PTPRG: variants seen among roughly 807,000 people sequenced by gnomAD.
PTPRG encodes protein tyrosine phosphatase receptor type G.
PTPRG carries 102 observed loss-of-function variants against 165.3 expected under a neutral mutation model. That is an observed-to-expected ratio of 0.62 (90% CI 0.53 to 0.73). PTPRG has a LOEUF of 0.73. PTPRG is among the 30% of genes least tolerant of loss of function. The pLI is 0.00. For synonymous variants in PTPRG, 675 were observed against 669.5 expected, an observed-to-expected ratio of 1.01 and a Z score of -0.13; for missense variants, 1,866 against 1,861.4, an observed-to-expected ratio of 1.00 and a Z score of -0.05.
At chr3:62,288,279 G>T (rs192267395) in intron 28 of PTPRG, among the ~76,000 whole-genome samples, 4 of 152,020 alleles carry the variant, frequency 2.6e-5, no homozygotes, top group African/African-American at 9.6e-5. Context: ...GCAAATAGAA[G>T]GCGATAGTAA....
intron 4 of PTPRG, among the ~76,000 whole-genome samples, chr3:62,061,331 G>A (rs755898630): frequency 5.3e-5 from 8 of 152,110 alleles, no homozygotes; most frequent in African/African-American, 7.2e-5. Flanking sequence ...TTAAGGTATC[G>A]TATCTCTGGA....
chr3:61,765,754 T>C (rs1443160166), intron 2 of PTPRG, among the ~76,000 whole-genome samples: 2 of 152,252 alleles, frequency 1.3e-5, no homozygotes, highest in Non-Finnish European at 2.9e-5. Context: ...GCCACAGATA[T>C]CTTCCAGAAT....
At chr3:62,291,810 T>G (rs981829575) in intron 28 of PTPRG, among the ~76,000 whole-genome samples, 7 of 152,182 alleles carry the variant, frequency 4.6e-5, no homozygotes, top group Admixed American at 3.9e-4. Context: ...GGAAATTTAC[T>G]ACCTTTCTAA....
intron 12 of PTPRG, among the ~76,000 whole-genome samples, chr3:62,204,654 A>T (rs975512033): frequency 4.6e-5 from 7 of 152,248 alleles, no homozygotes; most frequent in African/African-American, 1.7e-4. Context: ...TTGTTCATGG[A>T]AACCTACAGA....
intron 2 of PTPRG, among the ~76,000 whole-genome samples, chr3:61,956,107 T>TATATATATATATATATATATA (rs2040021571): frequency 6.6e-6 from 1 of 151,730 alleles, no homozygotes; most frequent in African/African-American, 2.4e-5. Flanking sequence ...TATATATATA[T>TATATATATATATATATATATA]GAAAAATTGA....
intron 1 of PTPRG, among the ~76,000 whole-genome samples, chr3:61,724,600 C>T (rs922486035): frequency 6.6e-5 from 10 of 152,052 alleles, no homozygotes; most frequent in African/African-American, 2.2e-4. Context: ...TCTACACTCC[C>T]ACCAGCAATG....
chr3:61,583,904 G>T (rs947037011), intron 1 of PTPRG, among the ~76,000 whole-genome samples: 18 of 152,112 alleles, frequency 1.2e-4, no homozygotes, highest in Admixed American at 1.2e-3. Context: ...GTTGATTTGG[G>T]TCATTTTCAA....
intron 1 of PTPRG, among the ~76,000 whole-genome samples, chr3:61,672,669 G>A (rs1223269572): frequency 6.0e-5 from 9 of 151,074 alleles, no homozygotes; most frequent in Admixed American, 2.6e-4. Flanking sequence ...GATGGCAGCA[G>A]TACCGTCCAG....
chr3:61,941,140 C>G (rs927493623), intron 2 of PTPRG, among the ~76,000 whole-genome samples: 1 of 151,994 alleles, frequency 6.6e-6, no homozygotes, highest in Non-Finnish European at 1.5e-5. Flanking sequence ...TTGTGTGGAT[C>G]CAAGGTGATA....
intron 2 of PTPRG, among the ~76,000 whole-genome samples, chr3:61,866,730 C>G (rs755633431): frequency 6.6e-6 from 1 of 151,528 alleles, no homozygotes; most frequent in Admixed American, 6.6e-5. Flanking sequence ...TCTGGAGTAG[C>G]TGGGACTACA....
chr3:61,923,226 A>G (rs559611601), intron 2 of PTPRG, among the ~76,000 whole-genome samples: 1 of 152,246 alleles, frequency 6.6e-6, no homozygotes, highest in African/African-American at 2.4e-5. Flanking sequence ...CACAAAATTA[A>G]TCATTATTTT....
At chr3:62,231,344 C>A in intron 14 of PTPRG, 33 bp downstream of exon 14, 1 of 1,511,768 alleles carries the variant, frequency 6.6e-7, no homozygotes, top group African/African-American at 1.4e-5. Flanking sequence ...TGGGGGGCGT[C>A]TTGATGGCCG....
intron 5 of PTPRG, among the ~76,000 whole-genome samples, chr3:62,084,517 G>A (rs779136734): frequency 7.2e-5 from 11 of 152,092 alleles, no homozygotes; most frequent in Non-Finnish European, 1.5e-4. Flanking sequence ...TGCAAGTTGC[G>A]AACCCATTCT....
At chr3:62,018,273 C>A (rs1285979924) in intron 4 of PTPRG, among the ~76,000 whole-genome samples, 1 of 152,172 alleles carries the variant, frequency 6.6e-6, no homozygotes, top group Non-Finnish European at 1.5e-5. Context: ...TTCGTTCATT[C>A]CTTATTACTG....
At chr3:61,866,450 C>T (rs547857517) in intron 2 of PTPRG, among the ~76,000 whole-genome samples, 4 of 152,128 alleles carry the variant, frequency 2.6e-5, no homozygotes, top group South Asian at 2.1e-4. Flanking sequence ...GGCTGAGAAC[C>T]AGAAGGAGAA....
rs755131699 is a variant in PTPRG, at chr3:61,593,721, AAAGAAG to A, written c.85+31352_85+31357del. ...TCAGGAAAACTGGAAAAAAAAAAAA[AAAGAAG>A]AAAAAGCCAGAAAAACTCTTCTGCT... On this transcript the variant is annotated intron_variant, in intron 1 of 29. Transcript: ENST00000474889. Among the ~76,000 whole-genome samples the A allele has an allele frequency of 2.6e-4, 8 of 31,268 alleles. No individual in the cohort carries two copies. The Admixed American group carries it at 3.0e-3, about 12-fold the overall frequency. The allele number at this position is 31,268 out of a possible 152,430, so 20.5% of individuals were successfully genotyped here.
At chr3:61,871,776 C>G (rs1359559426) in intron 2 of PTPRG, among the ~76,000 whole-genome samples, 1 of 152,180 alleles carries the variant, frequency 6.6e-6, no homozygotes, top group Non-Finnish European at 1.5e-5. Context: ...ATCACAAGGC[C>G]TTTTGGAATT....
At chr3:61,622,585 C>T (rs1701492435) in intron 1 of PTPRG, among the ~76,000 whole-genome samples, 1 of 152,114 alleles carries the variant, frequency 6.6e-6, no homozygotes, top group African/African-American at 2.4e-5. Context: ...ATTTACAAAT[C>T]TTGTAAATTA....
chr3:62,153,752 T>C (rs1704431448), intron 6 of PTPRG, among the ~76,000 whole-genome samples: 1 of 152,240 alleles, frequency 6.6e-6, no homozygotes, highest in Admixed American at 6.5e-5. Flanking sequence ...TCTTCACTAC[T>C]GCAGCCTAGG....
Sources: allele counts gnomAD v4.1 joint callset (sites outside exome capture counted in the v4.1 genomes callset), GRCh38; gene constraint gnomAD v4.1.1; transcripts MANE v1.5; gene names NCBI Gene and HGNC (gene_info 2026-07-23, HGNC 2026-07-21).